CYFIP2: variants seen among roughly 807,000 people sequenced by gnomAD.
CYFIP2 encodes the protein cytoplasmic FMR1 interacting protein 2.
A neutral mutation model predicts 158.7 loss-of-function variants in CYFIP2; 29 were observed. That is an observed-to-expected ratio of 0.18 (90% CI 0.14 to 0.25). The LOEUF (loss-of-function observed/expected upper bound fraction) is 0.25, where lower values mean the gene tolerates loss of function less well. CYFIP2 is among the 10% of genes least tolerant of loss of function. The pLI is 1.00. For missense variants in CYFIP2, 852 were observed against 1,639.5 expected (o/e 0.52, Z 8.29); for synonymous variants, 585 against 617.6 (o/e 0.95, Z 0.78).
intron 23 of CYFIP2, chr5:157,343,098 A>G (rs1348700753): frequency 4.3e-6 from 7 of 1,614,084 alleles, no homozygotes; most frequent in Non-Finnish European, 5.1e-6. Context: ...CCAGCCCTGT[A>G]AGACCATCGC....
chr5:157,373,763 C>T (rs1043034900), intron 26 of CYFIP2, among the ~76,000 whole-genome samples: 1 of 152,082 alleles, frequency 6.6e-6, no homozygotes, highest in Non-Finnish European at 1.5e-5. Context: ...ATGGTATGTG[C>T]AGAGAAGAAC....
intron 2 of CYFIP2, among the ~76,000 whole-genome samples, chr5:157,285,830 T>G (rs1580972812): frequency 6.6e-6 from 1 of 152,320 alleles, no homozygotes; most frequent in Non-Finnish European, 1.5e-5. Context: ...TAATTACTTT[T>G]CCTTCATGCA....
intron 22 of CYFIP2, among the ~76,000 whole-genome samples, chr5:157,340,120 C>T (rs1561744102): frequency 6.6e-6 from 1 of 152,250 alleles, no homozygotes; most frequent in Non-Finnish European, 1.5e-5. Flanking sequence ...GGCCCGGGGC[C>T]AGGCACTGAG....
At chr5:157,376,799 C>A (rs752420412) in intron 26 of CYFIP2, 12 of 438,096 alleles carry the variant, frequency 2.7e-5, no homozygotes, top group South Asian at 1.9e-4. Flanking sequence ...CAGCCTCCAT[C>A]CCATGCTGAC....
intron 26 of CYFIP2, among the ~76,000 whole-genome samples, chr5:157,381,843 A>C (rs1766147633): frequency 1.3e-5 from 2 of 152,144 alleles, no homozygotes; most frequent in Non-Finnish European, 2.9e-5. Context: ...GATCCTACCT[A>C]ATCCAAATGC....
At chr5:157,337,688 G>A (rs981673593) in intron 21 of CYFIP2, among the ~76,000 whole-genome samples, 4 of 152,152 alleles carry the variant, frequency 2.6e-5, no homozygotes, top group African/African-American at 9.7e-5. Flanking sequence ...TGAATCCTTG[G>A]CATGAGGCTG....
At chr5:157,287,743 T>A (rs1757505143) in intron 3 of CYFIP2, among the ~76,000 whole-genome samples, 1 of 152,180 alleles carries the variant, frequency 6.6e-6, no homozygotes, top group Non-Finnish European at 1.5e-5. Context: ...ACTATATGTC[T>A]TAGCTCGTTT....
At chr5:157,386,280 T>C (rs969690667) in intron 28 of CYFIP2, among the ~76,000 whole-genome samples, 2 of 152,156 alleles carry the variant, frequency 1.3e-5, no homozygotes, top group Admixed American at 6.5e-5. Context: ...TGCAGTGGTG[T>C]GATCACAGCT....
rs113533211 is a variant in CYFIP2, at chr5:157,383,627, C to T, written c.3207+268C>T. The T allele has an allele frequency of 1.8e-3, 546 of 310,136 alleles. 4 individuals carry two copies. Among genetic ancestry groups the T allele is most frequent in the African/African-American group, 0.011 (507 of 47,630 alleles). 19.2% of individuals were successfully genotyped at this position (310,136 alleles called of 1,614,324 possible). On this transcript the variant is annotated intron_variant, in intron 28 of 30. Transcript: ENST00000620254. ...ATTTAAACAAGTATCTACTGTGTCCCTGGTAGATATCAAGAATCTGTTACT... is the reference window on the plus strand; with the variant it reads ...ATTTAAACAAGTATCTACTGTGTCCTTGGTAGATATCAAGAATCTGTTACT...
intron 29 of CYFIP2, among the ~76,000 whole-genome samples, chr5:157,390,197 C>T (rs113444013): frequency 6.6e-5 from 10 of 152,060 alleles, no homozygotes; most frequent in African/African-American, 1.7e-4. Context: ...TTGACCTGCA[C>T]GGAGTAATCA....
In CYFIP2 at chr5:157,393,870, G is replaced by A. The variant is rs1026068290; in HGVS notation, c.*870G>A. 1.3e-5 allele frequency: 2 copies of A among 152,018 alleles called. No homozygotes were observed. Among genetic ancestry groups the A allele is most frequent in the Non-Finnish European group, 2.9e-5 (2 of 68,002 alleles). The allele number at this position is 152,018 out of a possible 1,614,324, so 9.4% of individuals were successfully genotyped here. ...TAGCATTAGCCAGTGACCAAATTAG[G>A]GACAACGTCTTGGCACAGAATTGCT... On this transcript the variant is annotated 3_prime_UTR_variant, in exon 31 of 31. Transcript: ENST00000620254.
chr5:157,361,733 A>G lies in CYFIP2; in HGVS notation c.3039+135A>G. 1 of 1,146,488 alleles carries G rather than the reference A, an allele frequency of 8.7e-7. No individual in the cohort carries two copies. Among genetic ancestry groups the G allele is most frequent in the Non-Finnish European group, 1.2e-6 (1 of 821,440 alleles). The allele number at this position is 1,146,488 out of a possible 1,614,324, so 71.0% of individuals were successfully genotyped here. A position where few individuals can be genotyped will look rare whatever the true frequency, so the allele number is the denominator to read the frequency against. ...CACATGCTCTTTTCAGTTCATTTCC[A>G]GACAGACATGGATTCTAGTCCTGGC... is the stretch of plus-strand genomic sequence containing the variant. On this transcript the variant is annotated intron_variant, in intron 26 of 30. Coordinates refer to ENST00000620254, the MANE Select transcript of CYFIP2 (RefSeq NM_001037333.3). This position sits in a 1 kb window ranked among gnomAD's most constrained non-coding sequence, Gnocchi z 4.4.
At chr5:157,383,549 G>C in intron 28 of CYFIP2, 190 bp downstream of exon 28, 1 of 553,004 alleles carries the variant, frequency 1.8e-6, no homozygotes. Flanking sequence ...TCTCAGGCCT[G>C]AGTGTTTCTT....
intron 23 of CYFIP2, among the ~76,000 whole-genome samples, chr5:157,349,567 CT>C (rs1423956651): frequency 6.6e-6 from 1 of 152,304 alleles, no homozygotes; most frequent in Middle Eastern, 3.4e-3. Flanking sequence ...GCGAATTGTG[CT>C]GCTATAAACA....
chr5:157,350,964 T>A (rs1011976319), intron 23 of CYFIP2, among the ~76,000 whole-genome samples: 2 of 152,124 alleles, frequency 1.3e-5, no homozygotes, highest in Non-Finnish European at 2.9e-5. Context: ...GCCTTTAGGG[T>A]TTTCTAGGTA....
At chr5:157,351,822 C>T (rs1763091376) in intron 23 of CYFIP2, among the ~76,000 whole-genome samples, 1 of 152,182 alleles carries the variant, frequency 6.6e-6, no homozygotes, top group South Asian at 2.1e-4. Context: ...CTCCAGAATG[C>T]TGGAGCAGGT....
chr5:157,296,666 C>T lies in CYFIP2; in HGVS notation c.286-7C>T, dbSNP rs1758280552. The T allele has an allele frequency of 6.2e-7, 1 of 1,612,914 alleles. No homozygotes were observed. Among genetic ancestry groups the T allele is most frequent in the Non-Finnish European group, 8.5e-7 (1 of 1,179,178 alleles). On this transcript the variant is annotated splice_polypyrimidine_tract_variant and splice_region_variant and intron_variant, in intron 4 of 30. Transcript: ENST00000620254. ...CAGGATGTGTGTGTCCCCATTATCC[C>T]CCACAGGTGAAATGCAACGAGCAGC...
At chr5:157,278,086 G>A (rs1293788830) in intron 1 of CYFIP2, among the ~76,000 whole-genome samples, 1 of 151,886 alleles carries the variant, frequency 6.6e-6, no homozygotes. Context: ...ATCATTATGA[G>A]GCAAATGACT....
At chr5:157,364,392 G>C (rs1034125159) in intron 26 of CYFIP2, 1 of 152,222 alleles carries the variant, frequency 6.6e-6, no homozygotes, top group Non-Finnish European at 1.5e-5. Flanking sequence ...TCACTCACAT[G>C]TATCACTGAG....
Sources: allele counts gnomAD v4.1 joint callset (sites outside exome capture counted in the v4.1 genomes callset), GRCh38; gene constraint gnomAD v4.1.1; non-coding constraint Gnocchi (gnomAD v3.1); transcripts MANE v1.5; gene names NCBI Gene and HGNC (gene_info 2026-07-23, HGNC 2026-07-21).